Variants in CEP112 observed in about 807,000 individuals in gnomAD.
CEP112 encodes the protein centrosomal protein 112.
A neutral mutation model predicts 153.0 loss-of-function variants in CEP112; 127 were observed. The ratio of observed to expected loss-of-function variants is 0.83; its 90% CI spans 0.72 to 0.96. The LOEUF (loss-of-function observed/expected upper bound fraction) is 0.96, where lower values mean the gene tolerates loss of function less well. CEP112 is among the 40% of genes least tolerant of loss of function. The pLI is 0.00. For synonymous variants in CEP112, 358 were observed against 374.4 expected, an observed-to-expected ratio of 0.96 and a Z score of 0.51; for missense variants, 1,089 against 1,101.2, an observed-to-expected ratio of 0.99 and a Z score of 0.16.
intron 18 of CEP112, among the ~76,000 whole-genome samples, chr17:65,941,094 T>C (rs919745812): frequency 2.6e-5 from 4 of 151,998 alleles, no homozygotes; most frequent in African/African-American, 4.8e-5. Flanking sequence ...AAGGATGAAA[T>C]GGTAAGCAAA....
At chr17:65,873,614 AG>A (rs2146525143) in intron 20 of CEP112, 1 of 152,298 alleles carries the variant, frequency 6.6e-6, no homozygotes, top group East Asian at 1.9e-4. Context: ...CACCTAAGTA[AG>A]TTCTAGCAGG....
intron 20 of CEP112, among the ~76,000 whole-genome samples, chr17:65,877,844 C>T (rs1210769201): frequency 6.6e-6 from 1 of 152,064 alleles, no homozygotes; most frequent in East Asian, 1.9e-4. Context: ...TACACATATA[C>T]ACAATGGAAT....
chr17:66,163,517 C>A (rs550787762), intron 4 of CEP112, among the ~76,000 whole-genome samples: 2 of 151,796 alleles, frequency 1.3e-5, no homozygotes, highest in Non-Finnish European at 2.9e-5. Flanking sequence ...TTCCAAAAAT[C>A]CACAACATAC....
chr17:65,670,447 A>G (rs1360400374), intron 24 of CEP112, among the ~76,000 whole-genome samples: 2 of 152,038 alleles, frequency 1.3e-5, no homozygotes, highest in Non-Finnish European at 2.9e-5. Flanking sequence ...ATGCAAACAC[A>G]TTTATTATTC....
intron 17 of CEP112, among the ~76,000 whole-genome samples, chr17:65,968,753 T>A (rs1324652883): frequency 6.6e-6 from 1 of 152,184 alleles, no homozygotes; most frequent in Non-Finnish European, 1.5e-5. Context: ...CAAGTTCACA[T>A]AAAAGTGCCA....
At chr17:65,971,181 CAGCACATGCAT>C (rs1232163468) in intron 17 of CEP112, among the ~76,000 whole-genome samples, 12 of 116,498 alleles carry the variant, frequency 1.0e-4, no homozygotes, top group Non-Finnish European at 2.1e-4. Context: ...AGCACATGTA[CAGCACATGCAT>C]ATCACATTGC....
At chr17:65,907,186 T>C (rs1199055201) in intron 19 of CEP112, among the ~76,000 whole-genome samples, 1 of 152,208 alleles carries the variant, frequency 6.6e-6, no homozygotes, top group Non-Finnish European at 1.5e-5. Flanking sequence ...GATACCTCCT[T>C]GTTCTGTACT....
intron 18 of CEP112, among the ~76,000 whole-genome samples, chr17:65,952,008 A>C (rs1380008827): frequency 1.3e-5 from 2 of 152,132 alleles, no homozygotes; most frequent in Non-Finnish European, 2.9e-5. Flanking sequence ...TGGGTTATTT[A>C]CTTTCCAAAT....
intron 21 of CEP112, among the ~76,000 whole-genome samples, chr17:65,754,184 C>T (rs1400779183): frequency 1.3e-5 from 2 of 152,164 alleles, no homozygotes; most frequent in Non-Finnish European, 2.9e-5. Context: ...TAACAGATGG[C>T]CTCCCTGAGA....
intron 17 of CEP112, among the ~76,000 whole-genome samples, chr17:65,971,603 T>C (rs542349886): frequency 2.8e-4 from 15 of 54,232 alleles, no homozygotes; most frequent in African/African-American, 7.1e-4. Flanking sequence ...ATGCATATTG[T>C]GTGCATATTA....
rs147074922 is a variant in CEP112, at chr17:65,961,671, C to T, written c.1737-73G>A. 216 of 1,329,754 alleles carry T rather than the reference C, an allele frequency of 1.6e-4. 1 individual carries two copies. The African/African-American group carries it at 2.9e-3, about 18-fold the overall frequency. 82.4% of individuals were successfully genotyped at this position (1,329,754 alleles called of 1,614,324 possible). On this transcript the variant is annotated intron_variant, in intron 17 of 26. Transcript: ENST00000535342. ...GCCTGAATGAAAGAACAATATTTAACCCCCTCTAAAATAAAATCCAGATTT... is the reference window on the plus strand; with the variant it reads ...GCCTGAATGAAAGAACAATATTTAATCCCCTCTAAAATAAAATCCAGATTT...
At chr17:65,881,954 T>C (rs2059093471) in intron 20 of CEP112, among the ~76,000 whole-genome samples, 1 of 152,006 alleles carries the variant, frequency 6.6e-6, no homozygotes, top group Non-Finnish European at 1.5e-5. Flanking sequence ...TTGATTGTGG[T>C]AGCTTTTAGC....
chr17:65,985,848 G>GTT (rs372660518), intron 17 of CEP112, among the ~76,000 whole-genome samples: 7,346 of 145,744 alleles, frequency 0.05, 213 homozygotes, highest in Middle Eastern at 0.096. Flanking sequence ...AAGGGCTTTT[G>GTT]TTTTTTTTTT....
intron 17 of CEP112, 101 bp from the exon 18 acceptor site, chr17:65,961,699 A>AT: frequency 1.8e-6 from 2 of 1,120,210 alleles, no homozygotes; most frequent in Non-Finnish European, 2.5e-6. Context: ...CCAGATTTTA[A>AT]TTTTTTTGAT....
chr17:65,972,021 C>T (rs2062859935), intron 17 of CEP112, among the ~76,000 whole-genome samples: 2 of 152,176 alleles, frequency 1.3e-5, no homozygotes, highest in Admixed American at 6.5e-5. Flanking sequence ...GCTAGGATAA[C>T]TAGGATTTGA....
At chr17:65,924,961 C>A (rs553039925) in intron 19 of CEP112, among the ~76,000 whole-genome samples, 1 of 152,262 alleles carries the variant, frequency 6.6e-6, no homozygotes, top group Non-Finnish European at 1.5e-5. Context: ...CCCCTCCCAG[C>A]CCCTCCATCC....
rs778396209 is a variant in CEP112, at chr17:65,710,165, G to A, written c.2608-20947C>T. ...CCTACAGCTGAAATTCCTCTCTGGT[G>A]TCAGTGCTAGGAAAAGCTGTGCTTC... is the stretch of plus-strand genomic sequence containing the variant. On this transcript the variant is annotated intron_variant, in intron 23 of 26. Transcript: ENST00000535342. 2.6e-5 allele frequency among the ~76,000 whole-genome samples: 4 copies of A among 152,166 alleles called. No individual in the cohort carries two copies. In the East Asian group the frequency reaches 7.7e-4, roughly 29 times the overall value.
At chr17:65,859,640 C>T (rs558826162) in intron 20 of CEP112, among the ~76,000 whole-genome samples, 86 of 150,860 alleles carry the variant, frequency 5.7e-4, no homozygotes, top group African/African-American at 2.0e-3. Flanking sequence ...TTAAAATATC[C>T]CTTTTAAACT....
intron 20 of CEP112, among the ~76,000 whole-genome samples, chr17:65,855,015 C>T (rs1052983624): frequency 3.9e-5 from 6 of 152,014 alleles, no homozygotes; most frequent in African/African-American, 1.2e-4. Flanking sequence ...TTGCTGGCTC[C>T]CTTCCCCAAA....
Sources: gnomAD v4.1 joint callset for allele counts (sites outside exome capture counted in the v4.1 genomes callset) on GRCh38, gnomAD v4.1.1 for gene constraint, MANE v1.5 for transcripts, NCBI Gene and HGNC (gene_info 2026-07-23, HGNC 2026-07-21) for gene names.